RALGAPA2: variants seen among roughly 807,000 people sequenced by gnomAD.
RALGAPA2 encodes the protein ral GTPase-activating protein subunit alpha-2.
A neutral mutation model predicts 230.4 loss-of-function variants in RALGAPA2; 139 were observed. That is an observed-to-expected ratio of 0.60 (90% CI 0.53 to 0.69). The LOEUF (loss-of-function observed/expected upper bound fraction) is 0.69. Ranked by LOEUF, RALGAPA2 falls within the 30% of genes least tolerant of loss-of-function variation. The pLI is 0.00. For missense variants in RALGAPA2, 2,163 were observed against 2,276.0 expected (o/e 0.95, Z 1.01); for synonymous variants, 847 against 837.8 (o/e 1.01, Z -0.19).
At chr20:20,494,704 A>G (rs940360602) in intron 36 of RALGAPA2, among the ~76,000 whole-genome samples, 1 of 152,234 alleles carries the variant, frequency 6.6e-6, no homozygotes, top group Non-Finnish European at 1.5e-5. Flanking sequence ...CAAGTGCCCG[A>G]CACCAGGCAA....
chr20:20,650,416 C>T (rs1484724950), intron 4 of RALGAPA2, among the ~76,000 whole-genome samples: 2 of 152,110 alleles, frequency 1.3e-5, no homozygotes, highest in Non-Finnish European at 2.9e-5. Flanking sequence ...AGCAGTTGCC[C>T]TTATTTTAGG....
At chr20:20,402,094 A>G (rs1170615491) in intron 38 of RALGAPA2, among the ~76,000 whole-genome samples, 10 of 152,146 alleles carry the variant, frequency 6.6e-5, no homozygotes, top group Admixed American at 6.5e-4. Flanking sequence ...GGGTGGAGCA[A>G]TGAGTCCTGT....
At chr20:20,558,346 T>C (rs1292311371) in intron 23 of RALGAPA2, among the ~76,000 whole-genome samples, 1 of 152,220 alleles carries the variant, frequency 6.6e-6, no homozygotes, top group Non-Finnish European at 1.5e-5. Flanking sequence ...TTTTGAAACA[T>C]GAATTTTTCT....
intron 4 of RALGAPA2, among the ~76,000 whole-genome samples, chr20:20,649,897 T>A (rs1027204470): frequency 4.6e-5 from 7 of 152,138 alleles, no homozygotes; most frequent in African/African-American, 1.2e-4. Flanking sequence ...TGCCCAGAAA[T>A]GAGATGTCAA....
rs1331895745 is a variant in RALGAPA2 at position 20,680,746 on chromosome 20, T to C, written c.162A>G (p.Ile54Met). ...TAAAATTTTCATAGAAGATGAAATATATCTGAGAATAGTTGGTCTCAAAAA... is the reference window on the plus strand; with the variant it reads ...TAAAATTTTCATAGAAGATGAAATACATCTGAGAATAGTTGGTCTCAAAAA... ...KQFFETNYSQ[I>M]YFIFYENFIA... The change falls in exon 2 of 40, where the codon ATA becomes ATG. Residue 54 changes from isoleucine (I) to methionine (M), a missense_variant. Ile to Met is a conservative substitution (Grantham distance 10). Transcript: ENST00000202677. 1.3e-6 allele frequency: 2 copies of C among 1,587,642 alleles called. No homozygotes were observed. Among genetic ancestry groups the C allele is most frequent in the Admixed American group, 1.9e-5 (1 of 53,586 alleles).
chr20:20,636,874 A>G (rs185463717), intron 8 of RALGAPA2, among the ~76,000 whole-genome samples: 84 of 152,268 alleles, frequency 5.5e-4, no homozygotes, highest in African/African-American at 1.9e-3. Context: ...TACTGTCCAT[A>G]GCTTGTCCAA....
intron 24 of RALGAPA2, among the ~76,000 whole-genome samples, chr20:20,540,348 T>C (rs373820813): frequency 6.6e-6 from 1 of 152,226 alleles, no homozygotes; most frequent in African/African-American, 2.4e-5. Flanking sequence ...TAAAAATCGA[T>C]TCATGGCTGT....
At chr20:20,604,967 C>A (rs2065774305) in intron 15 of RALGAPA2, among the ~76,000 whole-genome samples, 5 of 152,136 alleles carry the variant, frequency 3.3e-5, no homozygotes, top group Admixed American at 3.3e-4. Context: ...TTCCTTGCAT[C>A]TTCCTTCTTG....
At chr20:20,409,224 G>C (rs1045645065) in intron 38 of RALGAPA2, among the ~76,000 whole-genome samples, 5 of 152,184 alleles carry the variant, frequency 3.3e-5, no homozygotes, top group Non-Finnish European at 7.3e-5. Flanking sequence ...CCCACCGAGT[G>C]CATCTCCCAC....
At chr20:20,612,471 T>C (rs925746942) in intron 13 of RALGAPA2, among the ~76,000 whole-genome samples, 1 of 152,208 alleles carries the variant, frequency 6.6e-6, no homozygotes, top group Admixed American at 6.5e-5. Flanking sequence ...TATCTCTGCT[T>C]ATCAAAACAG....
At chr20:20,626,900 A>C (rs973714301) in intron 10 of RALGAPA2, among the ~76,000 whole-genome samples, 2 of 152,150 alleles carry the variant, frequency 1.3e-5, no homozygotes, top group Non-Finnish European at 2.9e-5. Context: ...ACGAGGCCTA[A>C]AATATTTACT....
In RALGAPA2 at chr20:20,533,035, C is replaced by CA. The variant is rs571940872; in HGVS notation, c.3474-1241dup. ...TAATAAATAGAATGGAAAAAAAATC[C>CA]AAAAAAAAAAGAAGAAAGAAAGAAA... On this transcript the variant is annotated intron_variant, in intron 26 of 39. Transcript: ENST00000202677. Among the ~76,000 whole-genome samples, 138 of 126,998 alleles carry CA rather than the reference C, an allele frequency of 1.1e-3. 1 individual carries two copies. Among genetic ancestry groups the CA allele is most frequent in the South Asian group, 8.0e-3 (32 of 4,014 alleles). 83.3% of individuals were successfully genotyped at this position (126,998 alleles called of 152,430 possible). A position where few individuals can be genotyped will look rare whatever the true frequency, so the allele number is the denominator to read the frequency against.
intron 36 of RALGAPA2, among the ~76,000 whole-genome samples, chr20:20,492,616 G>A (rs1005884084): frequency 7.9e-5 from 12 of 152,156 alleles, no homozygotes; most frequent in Admixed American, 1.3e-4. Flanking sequence ...CTAACGAGGC[G>A]TCTGTGTCCC....
intron 15 of RALGAPA2, among the ~76,000 whole-genome samples, chr20:20,603,629 C>G (rs576720771): frequency 3.3e-5 from 5 of 152,192 alleles, no homozygotes; most frequent in African/African-American, 1.2e-4. Context: ...CCAGTCACAC[C>G]TCATTGCCCC....
At chr20:20,480,137 T>C (rs746165923) in intron 36 of RALGAPA2, among the ~76,000 whole-genome samples, 56 of 152,380 alleles carry the variant, frequency 3.7e-4, no homozygotes, top group Non-Finnish European at 6.6e-4. Flanking sequence ...AATATTGTTG[T>C]GACTTTCCTT....
At position 20,712,600 on chromosome 20, in the gene RALGAPA2, T is replaced by TGCTGCC. The variant is rs554349586; in HGVS notation, c.-126_-121dup. 0.016 allele frequency: 18,242 copies of TGCTGCC among 1,161,148 alleles called. 138 individuals carry two copies. The highest frequency in any genetic ancestry group is 0.018 in the Non-Finnish European group (16,314 of 925,186). 71.9% of individuals were successfully genotyped at this position (1,161,148 alleles called of 1,614,324 possible). A position where few individuals can be genotyped will look rare whatever the true frequency, so the allele number is the denominator to read the frequency against. On this transcript the variant is annotated 5_prime_UTR_variant, in exon 1 of 40. Transcript: ENST00000202677. This position sits in a 1 kb window ranked among gnomAD's most constrained non-coding sequence, Gnocchi z 5.5. The stretch of plus-strand genomic sequence containing the variant: ...GGCCACTCGCCGCCCCCAGCCCCGC[T>TGCTGCC]GCTGCCGCCGCCGCCGCCGCCGCCG...
intron 36 of RALGAPA2, among the ~76,000 whole-genome samples, chr20:20,481,021 GCA>G (rs1460942448): frequency 3.3e-5 from 5 of 152,166 alleles, no homozygotes; most frequent in African/African-American, 1.2e-4. Flanking sequence ...CTCAGGGGAG[GCA>G]CACACCTAGA....
chr20:20,494,337 T>C (rs1313708820), intron 36 of RALGAPA2, among the ~76,000 whole-genome samples: 1 of 152,238 alleles, frequency 6.6e-6, no homozygotes, highest in Non-Finnish European at 1.5e-5. Context: ...AAACACAATG[T>C]CATTCCTCTT....
chr20:20,509,011 A>C (rs2062620076), intron 33 of RALGAPA2, among the ~76,000 whole-genome samples: 1 of 152,230 alleles, frequency 6.6e-6, no homozygotes, highest in Non-Finnish European at 1.5e-5. Context: ...ATTGACCGCA[A>C]TTACATGAAA....
Sources: gnomAD v4.1 joint callset for allele counts (sites outside exome capture counted in the v4.1 genomes callset) on GRCh38, gnomAD v4.1.1 for gene constraint, Gnocchi (gnomAD v3.1) non-coding constraint, MANE v1.5 for transcripts, NCBI Gene and HGNC (gene_info 2026-07-23, HGNC 2026-07-21) for gene names.